Variants in GJB1 observed in about 807,000 individuals in gnomAD.
GJB1 encodes gap junction protein beta 1.
In GJB1, 1 loss-of-function variant was observed where a neutral mutation model predicts 12.0. The ratio of observed to expected loss-of-function variants is 0.08; its 90% CI spans 0.03 to 0.40. GJB1 has a LOEUF of 0.40. GJB1 is among the 10% of genes least tolerant of loss of function. The probability of loss-of-function intolerance (pLI) is 0.98; values close to 1 mark genes in which losing one functional copy is unlikely to be tolerated. For synonymous variants in GJB1, 114 were observed against 102.8 expected, an observed-to-expected ratio of 1.11 and a Z score of -0.66; for missense variants, 140 against 250.3, an observed-to-expected ratio of 0.56 and a Z score of 2.97.
upstream of GJB1, among the ~76,000 whole-genome samples, chrX:71,219,745 G>A (rs1211784108): frequency 4.3e-5 from 3 of 69,770 alleles, no homozygotes; most frequent in African/African-American, 1.8e-4. Flanking sequence ...CTGCAGTCCA[G>A]CCTGGGCGAC....
At position 71,224,233 on chromosome X, in the gene GJB1, A is replaced by C; in HGVS notation, c.526A>C (p.Thr176Pro). 8.3e-7 allele frequency: 1 copy of C among 1,205,869 alleles called. No homozygotes were observed. Among genetic ancestry groups the C allele is most frequent in the Non-Finnish European group, 1.1e-6 (1 of 894,280 alleles). Residue 176 changes from threonine (T) to proline (P), a missense_variant, in exon 2 of 2, where the codon ACA (threonine) becomes CCA (proline). By Grantham distance (38) the Thr-to-Pro change is conservative. Transcript: ENST00000361726. The stretch of plus-strand genomic sequence containing the variant: ...GTGCGACGTCTACCCCTGCCCCAAC[A>C]CAGTGGACTGCTTCGTGTCCCGCCC... ...VKCDVYPCPN[T>P]VDCFVSRPTE...
At chrX:71,216,502 C>T (rs1301232796) in intron 1 of GJB1, among the ~76,000 whole-genome samples, 2 of 109,080 alleles carry the variant, frequency 1.8e-5, no homozygotes, top group East Asian at 2.9e-4. Flanking sequence ...TTGTTGTGAG[C>T]GTGAGAGTCT....
chrX:71,216,109 G>A (rs767431384), intron 1 of GJB1, among the ~76,000 whole-genome samples: 44 of 110,617 alleles, frequency 4.0e-4, no homozygotes, highest in African/African-American at 1.4e-3. Flanking sequence ...AACCTCAGGT[G>A]ATCTGCCCGC....
chrX:71,219,341 C>CT (rs970941582), upstream of GJB1, among the ~76,000 whole-genome samples: 10 of 108,525 alleles, frequency 9.2e-5, no homozygotes, highest in African/African-American at 2.7e-4. Context: ...TTTTGTGTTT[C>CT]TTTTTTTGTA....
chrX:71,219,945 C>T (rs1259096971), upstream of GJB1, among the ~76,000 whole-genome samples: 2 of 101,589 alleles, frequency 2.0e-5, no homozygotes, highest in Non-Finnish European at 4.0e-5. Context: ...CGGGTTCAAG[C>T]GATTCTCCTG....
upstream of GJB1, among the ~76,000 whole-genome samples, chrX:71,219,468 G>A (rs1188714705): frequency 9.2e-6 from 1 of 108,267 alleles, no homozygotes; most frequent in Non-Finnish European, 1.9e-5. Flanking sequence ...TCCATATGTT[G>A]CCTAAGAATA....
intron 1 of GJB1, among the ~76,000 whole-genome samples, chrX:71,217,101 C>T (rs915114598): frequency 6.6e-5 from 4 of 60,724 alleles, no homozygotes; most frequent in African/African-American, 1.4e-4. Flanking sequence ...ACAGACTAGA[C>T]GAATGTGTGT....
upstream of GJB1, among the ~76,000 whole-genome samples, chrX:71,221,497 A>T (rs2092537962): frequency 9.0e-6 from 1 of 110,502 alleles, no homozygotes; most frequent in African/African-American, 3.3e-5. Context: ...TCTACAGCAT[A>T]GAGGACCACC....
chrX:71,221,836 TCAA>T (rs2092538503), upstream of GJB1, among the ~76,000 whole-genome samples: 2 of 110,148 alleles, frequency 1.8e-5, no homozygotes, highest in South Asian at 3.9e-4. Context: ...ACCCTATAGG[TCAA>T]CAACAGCATT....
chrX:71,222,401 G>A (rs1049730014), upstream of GJB1, among the ~76,000 whole-genome samples: 2 of 109,220 alleles, frequency 1.8e-5, no homozygotes, highest in African/African-American at 6.7e-5. Context: ...ACCACACACG[G>A]CTAATTTTTT....
At chrX:71,218,105 A>G (rs2092528808) in intron 1 of GJB1, among the ~76,000 whole-genome samples, 1 of 111,174 alleles carries the variant, frequency 9.0e-6, no homozygotes, top group Non-Finnish European at 1.9e-5. Flanking sequence ...CAGCCTGGCC[A>G]ACATGGTAAA....
At chrX:71,220,141 C>CTTTTTTT (rs1569213982), upstream of GJB1, among the ~76,000 whole-genome samples, 1 of 69,469 alleles carries the variant, frequency 1.4e-5, no homozygotes, top group African/African-American at 1.0e-4. Flanking sequence ...CTGTGCCTGG[C>CTTTTTTT]CTTTTTTTTT....
intron 1 of GJB1, among the ~76,000 whole-genome samples, chrX:71,217,101 C>G (rs915114598): frequency 1.6e-5 from 1 of 60,712 alleles, no homozygotes; most frequent in Admixed American, 1.7e-4. Context: ...ACAGACTAGA[C>G]GAATGTGTGT....
At chrX:71,222,251 A>ATT (rs1318133890), upstream of GJB1, among the ~76,000 whole-genome samples, 2 of 101,612 alleles carry the variant, frequency 2.0e-5, no homozygotes. Context: ...TCCTGAGAAG[A>ATT]TTTTTTTTTT....
In GJB1 at chrX:71,223,251, C is replaced by T. The variant is rs961829342; in HGVS notation, c.-101C>T. On this transcript the variant is annotated 5_prime_UTR_variant, in exon 1 of 2. Coordinates refer to ENST00000361726, the MANE Select transcript of GJB1 (RefSeq NM_000166.6). ...GCGGTGATGAATTGGGACGCAGGCG[C>T]GGAGCCCAGGGACCACTCCCCCTGC... 14 of 202,207 alleles carry T rather than the reference C, an allele frequency of 6.9e-5. No individual in the cohort carries two copies. Among genetic ancestry groups the T allele is most frequent in the Admixed American group, 2.6e-4 (4 of 15,108 alleles). 16.7% of individuals were successfully genotyped at this position (202,207 alleles called of 1,213,427 possible).
upstream of GJB1, among the ~76,000 whole-genome samples, chrX:71,219,744 A>T (rs1365597401): frequency 1.4e-5 from 1 of 71,627 alleles, no homozygotes; most frequent in Admixed American, 1.9e-4. Flanking sequence ...ACTGCAGTCC[A>T]GCCTGGGCGA....
chrX:71,219,150 CTTATTATTA>C (rs34964191), upstream of GJB1, among the ~76,000 whole-genome samples: 871 of 98,026 alleles, frequency 8.9e-3, 11 homozygotes, highest in African/African-American at 0.03. Context: ...TTGAGGTGGT[CTTATTATTA>C]TTATTATTAT....
chrX:71,219,788 A>T (rs2092532999), upstream of GJB1, among the ~76,000 whole-genome samples: 1 of 99,894 alleles, frequency 1.0e-5, no homozygotes, highest in South Asian at 4.7e-4. Flanking sequence ...AAAAAAAAAA[A>T]AAAAAAAGAA....
Position 71,224,594 on chromosome X carries a change from G to A in GJB1, c.*35G>A, listed in dbSNP as rs762776007. ...CCAGGCAACCTCCCATCCCACCCCC[G>A]ACCCTGCCCTGGGCGAGCCCCTCCT... is the stretch of plus-strand genomic sequence containing the variant. On this transcript the variant is annotated 3_prime_UTR_variant, in exon 2 of 2. Transcript: ENST00000361726. 1.7e-5 allele frequency: 19 copies of A among 1,105,391 alleles called. No individual in the cohort carries two copies. The South Asian group carries it at 3.5e-4, about 21-fold the overall frequency. 91.1% of individuals were successfully genotyped at this position (1,105,391 alleles called of 1,213,427 possible). A position where few individuals can be genotyped will look rare whatever the true frequency, so the allele number is the denominator to read the frequency against.
Sources: gnomAD v4.1 joint callset for allele counts (sites outside exome capture counted in the v4.1 genomes callset) on GRCh38, gnomAD v4.1.1 for gene constraint, MANE v1.5 for transcripts, NCBI Gene and HGNC (gene_info 2026-07-23, HGNC 2026-07-21) for gene names.